The following CSMD1 variants were observed in gnomAD, a reference collection of about 807,000 sequenced individuals.
The protein encoded by CSMD1 is CUB and Sushi multiple domains 1, also known as CUB and sushi domain-containing protein 1.
A neutral mutation model predicts 417.5 loss-of-function variants in CSMD1; 213 were observed. The ratio of observed to expected loss-of-function variants is 0.51; its 90% CI spans 0.46 to 0.57. CSMD1 has a LOEUF of 0.57. CSMD1 is among the 20% of genes least tolerant of loss of function. The pLI, the probability that CSMD1 is intolerant of heterozygous loss-of-function variation, is 0.00. For synonymous variants in CSMD1, 2,862 were observed against 1,736.8 expected, an observed-to-expected ratio of 1.65 and a Z score of -16.11; for missense variants, 6,923 against 4,529.7, an observed-to-expected ratio of 1.53 and a Z score of -15.17.
chr8:3,302,460 AT>A (rs1804493995), intron 25 of CSMD1, among the ~76,000 whole-genome samples: 1 of 151,874 alleles, frequency 6.6e-6, no homozygotes, highest in Non-Finnish European at 1.5e-5. Flanking sequence ...CTGTAATTCC[AT>A]TTATGTGTGA....
chr8:3,660,557 G>A (rs1798362290), intron 7 of CSMD1, among the ~76,000 whole-genome samples: 1 of 112,758 alleles, frequency 8.9e-6, no homozygotes, highest in Non-Finnish European at 1.7e-5. Context: ...ACAAGGCCCT[G>A]CAGTCCAGGC....
chr8:4,384,844 G>A (rs1467591501), intron 3 of CSMD1, among the ~76,000 whole-genome samples: 1 of 152,070 alleles, frequency 6.6e-6, no homozygotes, highest in Non-Finnish European at 1.5e-5. Flanking sequence ...AGAGAAAGAG[G>A]CTACTGTTTG....
At chr8:3,992,375 G>C (rs1292441474) in intron 5 of CSMD1, among the ~76,000 whole-genome samples, 1 of 152,052 alleles carries the variant, frequency 6.6e-6, no homozygotes, top group Non-Finnish European at 1.5e-5. Flanking sequence ...ACCAGCACAA[G>C]TTTACTATTA....
chr8:4,846,220 G>A (rs1346499058), intron 1 of CSMD1, among the ~76,000 whole-genome samples: 3 of 151,700 alleles, frequency 2.0e-5, no homozygotes, highest in Non-Finnish European at 1.5e-5. Context: ...TTTTCTTTTT[G>A]ACCTGTACAA....
In CSMD1 at chr8:3,151,434, T is replaced by C. The variant is rs528756097; in HGVS notation, c.5994A>G (p.Leu1998=). The change falls in exon 40 of 70, where the codon TTA becomes TTG. Residue 1998 remains leucine, a synonymous_variant. Transcript: ENST00000635120. The stretch of plus-strand genomic sequence containing the variant: ...GTAATGAGATCCTCCAGGTGCAGTC[T>C]AAGTTGTTGGGGTAAGAACCTGGGA... The part of the protein sequence containing the change: ...PGFPGSYPNN[L]DCTWRISLPI... 25 of 1,613,766 alleles carry C rather than the reference T, an allele frequency of 1.5e-5. No homozygotes were observed. In the South Asian group the frequency reaches 2.5e-4, roughly 16 times the overall value.
intron 10 of CSMD1, among the ~76,000 whole-genome samples, chr8:3,561,014 G>A (rs952336211): frequency 3.9e-5 from 6 of 152,030 alleles, no homozygotes; most frequent in African/African-American, 1.2e-4. Context: ...GCAATAAAAC[G>A]GCAGGCAGTG....
chr8:4,401,610 TCAC>T (rs973268475), intron 3 of CSMD1, among the ~76,000 whole-genome samples: 13 of 152,228 alleles, frequency 8.5e-5, no homozygotes, highest in Admixed American at 2.6e-4. Flanking sequence ...GTCACCTCGG[TCAC>T]CACAAGAATC....
intron 3 of CSMD1, among the ~76,000 whole-genome samples, chr8:4,371,197 G>A (rs1802374783): frequency 6.6e-6 from 1 of 152,152 alleles, no homozygotes; most frequent in Non-Finnish European, 1.5e-5. Context: ...TCAAGGCTCA[G>A]CTCCACACTG....
chr8:4,188,695 G>C (rs1201734221), intron 3 of CSMD1, among the ~76,000 whole-genome samples: 3 of 152,088 alleles, frequency 2.0e-5, no homozygotes, highest in African/African-American at 4.8e-5. Flanking sequence ...TTATAAAAAA[G>C]AGGAAGTGTA....
At chr8:3,284,095 G>A (rs1802952515) in intron 26 of CSMD1, 49 bp downstream of exon 26, 1 of 1,379,820 alleles carries the variant, frequency 7.2e-7, no homozygotes, top group Non-Finnish European at 1.0e-6. Flanking sequence ...CTGTGTTCAT[G>A]ACAAGACTTT....
At chr8:3,726,859 C>T (rs1192424027) in intron 6 of CSMD1, among the ~76,000 whole-genome samples, 3 of 152,084 alleles carry the variant, frequency 2.0e-5, no homozygotes, top group Non-Finnish European at 4.4e-5. Flanking sequence ...GTCTCCCTGC[C>T]CAAAGATAGA....
rs190213374 is a variant in CSMD1, at chr8:4,532,734, A to G, written c.302+104608T>C. 6.3e-3 allele frequency among the ~76,000 whole-genome samples: 811 copies of G among 128,886 alleles called. 3 individuals carry two copies. Among genetic ancestry groups the G allele is most frequent in the Admixed American group, 0.01 (123 of 11,886 alleles). 84.6% of individuals were successfully genotyped at this position (128,886 alleles called of 152,430 possible). ...TCCTGCACCCCCATTCAGTCACTCC[A>G]GAAAAGAAATCCTGCACCCCCATTC... On this transcript the variant is annotated intron_variant, in intron 2 of 69. Transcript: ENST00000635120.
chr8:3,224,615 T>C (rs1798394097), intron 27 of CSMD1, among the ~76,000 whole-genome samples: 1 of 152,220 alleles, frequency 6.6e-6, no homozygotes, highest in Non-Finnish European at 1.5e-5. Context: ...TTGATCACAA[T>C]GCTTGGTATA....
intron 1 of CSMD1, among the ~76,000 whole-genome samples, chr8:4,842,253 T>G (rs1800889374): frequency 6.6e-6 from 1 of 152,232 alleles, no homozygotes; most frequent in Non-Finnish European, 1.5e-5. Flanking sequence ...AAAGCTTATT[T>G]TCATATAAAT....
At chr8:4,856,040 A>C (rs1232098747) in intron 1 of CSMD1, among the ~76,000 whole-genome samples, 1 of 152,182 alleles carries the variant, frequency 6.6e-6, no homozygotes, top group Non-Finnish European at 1.5e-5. Flanking sequence ...CTCAAAAGGA[A>C]GCCCATCAGA....
intron 2 of CSMD1, among the ~76,000 whole-genome samples, chr8:4,435,217 T>C (rs1380357581): frequency 6.6e-6 from 1 of 152,168 alleles, no homozygotes. Flanking sequence ...GCCAATCTGA[T>C]CTTTGGAAAA....
chr8:4,489,086 A>G (rs924952177), intron 2 of CSMD1, among the ~76,000 whole-genome samples: 1 of 152,034 alleles, frequency 6.6e-6, no homozygotes, highest in Non-Finnish European at 1.5e-5. Context: ...AATTTTTTGT[A>G]TTTTTAGTAG....
At chr8:3,692,265 T>G (rs555352009) in intron 7 of CSMD1, among the ~76,000 whole-genome samples, 1 of 152,116 alleles carries the variant, frequency 6.6e-6, no homozygotes, top group African/African-American at 2.4e-5. Flanking sequence ...ATCCTGCGAT[T>G]TCACCAGCAC....
At chr8:4,122,903 G>C (rs560085193) in intron 3 of CSMD1, among the ~76,000 whole-genome samples, 83 of 152,194 alleles carry the variant, frequency 5.5e-4, no homozygotes, top group Non-Finnish European at 1.1e-3. Context: ...ATAGCTACGA[G>C]ACCCTTTAAG....
Sources: gnomAD v4.1 joint callset for allele counts (sites outside exome capture counted in the v4.1 genomes callset) on GRCh38, gnomAD v4.1.1 for gene constraint, MANE v1.5 for transcripts, NCBI Gene and HGNC (gene_info 2026-07-23, HGNC 2026-07-21) for gene names.